The following PXDNL variants were observed in gnomAD, a reference collection of about 807,000 sequenced individuals.
PXDNL encodes peroxidasin like, also known as probable oxidoreductase PXDNL.
PXDNL carries 145 observed loss-of-function variants against 150.8 expected under a neutral mutation model. The observed-to-expected ratio is 0.96, with a 90% confidence interval of 0.84 to 1.10. The LOEUF (loss-of-function observed/expected upper bound fraction) is 1.10, where lower values mean the gene tolerates loss of function less well. Ranked by LOEUF, PXDNL falls within the 50% of genes least tolerant of loss-of-function variation. The pLI is 0.00. For missense variants in PXDNL, 2,087 were observed against 1,873.9 expected (o/e 1.11, Z -2.10); for synonymous variants, 757 against 725.7 (o/e 1.04, Z -0.69).
At chr8:51,347,640 A>G (rs1806198205) in intron 19 of PXDNL, among the ~76,000 whole-genome samples, 1 of 152,208 alleles carries the variant, frequency 6.6e-6, no homozygotes, top group Non-Finnish European at 1.5e-5. Context: ...ATTGTTGTAT[A>G]TTACCATAAT....
chr8:51,628,399 CT>C (rs71550276), intron 2 of PXDNL, among the ~76,000 whole-genome samples: 4,920 of 69,336 alleles, frequency 0.071, 20 homozygotes, highest in East Asian at 0.098. Flanking sequence ...CTTTTCTTTT[CT>C]TTTTTTTTTT....
intron 12 of PXDNL, among the ~76,000 whole-genome samples, chr8:51,434,729 C>A (rs979994705): frequency 3.3e-5 from 5 of 152,044 alleles, no homozygotes; most frequent in African/African-American, 9.7e-5. Context: ...GATATTATTA[C>A]CCCCAAATTA....
At chr8:51,342,203 A>C (rs1238447196) in intron 20 of PXDNL, among the ~76,000 whole-genome samples, 1 of 151,932 alleles carries the variant, frequency 6.6e-6, no homozygotes, top group Non-Finnish European at 1.5e-5. Context: ...TTTACCCATA[A>C]AAAATAGTAT....
At chr8:51,608,052 AGAAAGC>A (rs1813893746) in intron 2 of PXDNL, among the ~76,000 whole-genome samples, 1 of 126,694 alleles carries the variant, frequency 7.9e-6, no homozygotes, top group Non-Finnish European at 1.6e-5. Flanking sequence ...AAAGAAAGAA[AGAAAGC>A]AAGCAAGCAA....
intron 1 of PXDNL, among the ~76,000 whole-genome samples, chr8:51,698,932 CT>C (rs1281590180): frequency 2.0e-5 from 3 of 152,126 alleles, no homozygotes; most frequent in Non-Finnish European, 4.4e-5. Context: ...TGAAAGGAAT[CT>C]TTTTTTCTGG....
At position 51,760,446 on chromosome 8, in the gene PXDNL, C is replaced by T. The variant is rs1394876275; in HGVS notation, c.164+48735G>A. Among the ~76,000 whole-genome samples, 4 of 152,164 alleles carry T rather than the reference C, an allele frequency of 2.6e-5. No individual in the cohort carries two copies. The East Asian group carries it at 5.8e-4, about 22-fold the overall frequency. ...AGAGCACAGAAATAAAATGAATCCT[C>T]CCTTGGAAATTTGTCAGAGTGTGAG... On this transcript the variant is annotated intron_variant, in intron 1 of 22. Coordinates refer to ENST00000356297, the MANE Select transcript of PXDNL (RefSeq NM_144651.5).
At chr8:51,593,507 A>T (rs1006642887) in intron 2 of PXDNL, among the ~76,000 whole-genome samples, 1 of 152,214 alleles carries the variant, frequency 6.6e-6, no homozygotes, top group Non-Finnish European at 1.5e-5. Flanking sequence ...TCTACTGCCG[A>T]AGTCCAATGC....
chr8:51,407,607 C>T (rs1188303827), intron 17 of PXDNL, among the ~76,000 whole-genome samples: 1 of 152,036 alleles, frequency 6.6e-6, no homozygotes, highest in Non-Finnish European at 1.5e-5. Context: ...GTGAAAAAGC[C>T]CTAACTTAAA....
chr8:51,478,716 C>T (rs915021900), intron 6 of PXDNL, among the ~76,000 whole-genome samples: 1 of 152,174 alleles, frequency 6.6e-6, no homozygotes, highest in Non-Finnish European at 1.5e-5. Context: ...AGTTGAAAAA[C>T]TTTATTGTTG....
intron 1 of PXDNL, among the ~76,000 whole-genome samples, chr8:51,734,690 A>G (rs1224094483): frequency 9.9e-5 from 15 of 152,222 alleles, no homozygotes. Flanking sequence ...CACCTAATAA[A>G]TCAAGTAAAG....
Position 51,535,205 on chromosome 8 carries a change from G to A in PXDNL, c.380+21635C>T, listed in dbSNP as rs1184296147. Among the ~76,000 whole-genome samples the A allele has an allele frequency of 8.7e-5, 12 of 137,988 alleles. 3 individuals are homozygous for A. The highest frequency in any genetic ancestry group is 3.8e-4 in the African/African-American group (12 of 31,500). The allele number at this position is 137,988 out of a possible 152,430, so 90.5% of individuals were successfully genotyped here. A position where few individuals can be genotyped will look rare whatever the true frequency, so the allele number is the denominator to read the frequency against. On this transcript the variant is annotated intron_variant, in intron 4 of 22. Transcript: ENST00000356297. ...AGCCTCTCTGCCCGGCCAGGACCCC[G>A]TCTGGGAGGTGTGCCCAGCGGCTCA...
At chr8:51,699,417 G>C (rs1368444251) in intron 1 of PXDNL, among the ~76,000 whole-genome samples, 1 of 152,220 alleles carries the variant, frequency 6.6e-6, no homozygotes, top group Non-Finnish European at 1.5e-5. Context: ...GAATTGAAGA[G>C]AGAGGGTGTG....
intron 17 of PXDNL, among the ~76,000 whole-genome samples, chr8:51,384,923 G>T (rs1807654394): frequency 6.6e-6 from 1 of 151,838 alleles, no homozygotes; most frequent in Non-Finnish European, 1.5e-5. Context: ...AGGAAAGAAG[G>T]GATATAAATA....
At position 51,809,430 on chromosome 8, in the gene PXDNL, T is replaced by C; in HGVS notation, c.-86A>G. On this transcript the variant is annotated 5_prime_UTR_variant, in exon 1 of 23. Transcript: ENST00000356297. ...GCAGCAGCAACCGCAGTGGTGGTGATGGTGGCTGCTGGACTGAGCCAAGTT... is the reference window on the plus strand; with the variant it reads ...GCAGCAGCAACCGCAGTGGTGGTGACGGTGGCTGCTGGACTGAGCCAAGTT... The C allele has an allele frequency of 7.4e-7, 1 of 1,352,642 alleles. No individual in the cohort carries two copies. Among genetic ancestry groups the C allele is most frequent in the Non-Finnish European group, 9.8e-7 (1 of 1,018,140 alleles). The allele number at this position is 1,352,642 out of a possible 1,614,324, so 83.8% of individuals were successfully genotyped here.
intron 1 of PXDNL, among the ~76,000 whole-genome samples, chr8:51,775,531 A>C (rs13276400): frequency 0.18 from 27,222 of 152,150 alleles, 2,835 homozygotes; most frequent in Non-Finnish European, 0.22. Context: ...TAAATTGTGA[A>C]GATTTCATGG....
At chr8:51,655,834 G>A (rs559926307) in intron 1 of PXDNL, among the ~76,000 whole-genome samples, 1 of 152,030 alleles carries the variant, frequency 6.6e-6, no homozygotes, top group South Asian at 2.1e-4. Context: ...TCAAGAAAGC[G>A]CCAGCCTAGG....
At chr8:51,562,611 G>A (rs141188460) in intron 3 of PXDNL, among the ~76,000 whole-genome samples, 72 of 152,016 alleles carry the variant, frequency 4.7e-4, no homozygotes, top group African/African-American at 1.7e-3. Context: ...GTTATAGAGG[G>A]GAGCAATGAA....
intron 2 of PXDNL, among the ~76,000 whole-genome samples, chr8:51,599,265 C>A (rs926207916): frequency 1.9e-4 from 29 of 151,872 alleles, no homozygotes; most frequent in Non-Finnish European, 3.7e-4. Flanking sequence ...TACTTCTTTT[C>A]TCCTGCTAGT....
At chr8:51,794,717 CAA>C (rs1331460907) in intron 1 of PXDNL, among the ~76,000 whole-genome samples, 1 of 152,142 alleles carries the variant, frequency 6.6e-6, no homozygotes, top group Non-Finnish European at 1.5e-5. Context: ...CACTGAAGCA[CAA>C]AGACCAATGA....
Sources: gnomAD v4.1 joint callset for allele counts (sites outside exome capture counted in the v4.1 genomes callset) on GRCh38, gnomAD v4.1.1 for gene constraint, MANE v1.5 for transcripts, NCBI Gene and HGNC (gene_info 2026-07-23, HGNC 2026-07-21) for gene names.